The following CCDC3 variants were observed in gnomAD, a reference collection of about 807,000 sequenced individuals.
CCDC3 encodes coiled-coil domain containing 3, also known as coiled-coil domain-containing protein 3.
A neutral mutation model predicts 21.4 loss-of-function variants in CCDC3; 24 were observed. The ratio of observed to expected loss-of-function variants is 1.12; its 90% CI spans 0.81 to 1.58. CCDC3 has a LOEUF of 1.58. Ranked by LOEUF, CCDC3 falls within the 40% of genes most tolerant of loss-of-function variation. The pLI is 0.00. For missense variants in CCDC3, 425 were observed against 360.9 expected (o/e 1.18, Z -1.44); for synonymous variants, 186 against 166.0 (o/e 1.12, Z -0.93).
intron 2 of CCDC3, among the ~76,000 whole-genome samples, chr10:12,977,798 A>C (rs1334656986): frequency 6.6e-6 from 1 of 152,198 alleles, no homozygotes; most frequent in Admixed American, 6.5e-5. Context: ...TCATGAAAAG[A>C]ATTGCATTTA....
intron 2 of CCDC3, among the ~76,000 whole-genome samples, chr10:12,974,530 A>ACCTAAAC (rs1225018335): frequency 1.3e-5 from 2 of 152,208 alleles, no homozygotes; most frequent in African/African-American, 4.8e-5. Flanking sequence ...TGTTCTATCC[A>ACCTAAAC]CCTAAACTCA....
intron 5 of CCDC3, among the ~76,000 whole-genome samples, chr10:13,015,235 G>A (rs1836039229): frequency 6.6e-6 from 1 of 152,038 alleles, no homozygotes; most frequent in African/African-American, 2.4e-5. Flanking sequence ...GATTTTAAAA[G>A]GACCTGTAAG....
chr10:12,938,235 T>TCTAACTGTATC (rs1176594471), intron 2 of CCDC3, among the ~76,000 whole-genome samples: 2 of 152,204 alleles, frequency 1.3e-5, no homozygotes, highest in African/African-American at 4.8e-5. Flanking sequence ...ACTCAAGCCA[T>TCTAACTGTATC]CTAACTGTAT....
At chr10:12,917,289 G>A (rs7911309) in intron 2 of CCDC3, among the ~76,000 whole-genome samples, 4 of 140,070 alleles carry the variant, frequency 2.9e-5, no homozygotes. Context: ...CGCCTCCCGG[G>A]TTCATGCCAT....
At chr10:12,934,740 A>G (rs540466436) in intron 2 of CCDC3, among the ~76,000 whole-genome samples, 3 of 152,248 alleles carry the variant, frequency 2.0e-5, no homozygotes, top group Non-Finnish European at 4.4e-5. Flanking sequence ...AGTCTGCTCT[A>G]AAATTAATAT....
intron 2 of CCDC3, among the ~76,000 whole-genome samples, chr10:12,941,969 G>A (rs1433015831): frequency 2.0e-5 from 3 of 152,126 alleles, no homozygotes; most frequent in East Asian, 1.9e-4. Context: ...TGTTGAAGGC[G>A]GTTTTCCTGA....
At chr10:13,036,145 AAAACAAAC>A (rs986080567) in intron 5 of CCDC3, among the ~76,000 whole-genome samples, 3 of 151,928 alleles carry the variant, frequency 2.0e-5, no homozygotes, top group African/African-American at 7.2e-5. Flanking sequence ...TCTGTCTCAA[AAAACAAAC>A]AAACAAACAA....
chr10:13,027,971 T>A (rs936322344), intron 5 of CCDC3, among the ~76,000 whole-genome samples: 5 of 152,178 alleles, frequency 3.3e-5, no homozygotes, highest in Admixed American at 2.0e-4. Flanking sequence ...TCCTCTTAGG[T>A]GACATAATTC....
chr10:12,958,529 C>A (rs1268630435), intron 2 of CCDC3, among the ~76,000 whole-genome samples: 1 of 152,198 alleles, frequency 6.6e-6, no homozygotes. Flanking sequence ...GGGTCAAGAG[C>A]AGCCCAGACG....
At chr10:13,026,510 T>G (rs937635290) in intron 5 of CCDC3, among the ~76,000 whole-genome samples, 1 of 152,230 alleles carries the variant, frequency 6.6e-6, no homozygotes. Context: ...GTTTGAAGAA[T>G]ATGAGTGCTT....
intron 1 of CCDC3, among the ~76,000 whole-genome samples, chr10:13,000,384 AT>A (rs1835828207): frequency 6.6e-6 from 1 of 152,170 alleles, no homozygotes; most frequent in Non-Finnish European, 1.5e-5. Flanking sequence ...AGGCAGATGC[AT>A]TCCATCTTGA....
At chr10:12,985,691 C>T (rs1316339604) in intron 2 of CCDC3, among the ~76,000 whole-genome samples, 2 of 152,070 alleles carry the variant, frequency 1.3e-5, no homozygotes, top group African/African-American at 4.8e-5. Flanking sequence ...ATTATATGTA[C>T]ATAACACCTG....
intron 5 of CCDC3, among the ~76,000 whole-genome samples, chr10:13,033,733 G>A (rs987212385): frequency 6.6e-5 from 10 of 152,126 alleles, no homozygotes; most frequent in African/African-American, 7.2e-5. Context: ...CAACACACAC[G>A]TGAAAAAATG....
chr10:13,054,453 G>T (rs1836656328), intron 4 of CCDC3, among the ~76,000 whole-genome samples: 3 of 152,064 alleles, frequency 2.0e-5, no homozygotes, highest in Admixed American at 1.3e-4. Context: ...CTCGCTGTTT[G>T]TTTGCATTTC....
At chr10:12,967,927 T>C (rs1007058109) in intron 2 of CCDC3, among the ~76,000 whole-genome samples, 1 of 152,070 alleles carries the variant, frequency 6.6e-6, no homozygotes, top group African/African-American at 2.4e-5. Flanking sequence ...TCCCAGCGCT[T>C]TGGGAGGCCG....
rs147644732 is a variant in CCDC3, at chr10:12,997,721, G to A, written c.549+617C>T. ...ATACACAGTCAGGAACAGTCGTAAC[G>A]GCTCACATGTATTGAGCACTTACTC... On this transcript the variant is annotated intron_variant, in intron 2 of 2. Coordinates refer to ENST00000378825, the MANE Select transcript of CCDC3 (RefSeq NM_031455.4). 9.1e-4 allele frequency among the ~76,000 whole-genome samples: 139 copies of A among 152,192 alleles called. 1 individual carries two copies. Among genetic ancestry groups the A allele is most frequent in the African/African-American group, 3.1e-3 (128 of 41,510 alleles).
rs1321158664 is a variant in CCDC3, at chr10:13,061,968, C to T, written c.-270+11900G>A. On this transcript the variant is annotated intron_variant, in intron 4 of 6. Transcript: ENST00000378839. ...AGATTCTTTAGAGATGTAAATTTCC[C>T]CCCCACCACCCAGAAAGGACAGTTT... 2.7e-5 allele frequency among the ~76,000 whole-genome samples: 4 copies of T among 148,870 alleles called. No individual in the cohort carries two copies. The East Asian group carries it at 6.0e-4, about 22-fold the overall frequency.
intron 3 of CCDC3, among the ~76,000 whole-genome samples, chr10:13,074,731 C>T (rs12416459): frequency 6.6e-6 from 1 of 152,030 alleles, no homozygotes; most frequent in Non-Finnish European, 1.5e-5. Flanking sequence ...CACATGAGTT[C>T]CCCGTGCCGG....
intron 3 of CCDC3, among the ~76,000 whole-genome samples, chr10:13,075,275 G>A (rs979440011): frequency 2.0e-5 from 3 of 152,090 alleles, no homozygotes; most frequent in South Asian, 2.1e-4. Context: ...TTTGTTTTGC[G>A]TATCACTGTA....
Sources: allele counts gnomAD v4.1 joint callset (sites outside exome capture counted in the v4.1 genomes callset), GRCh38; gene constraint gnomAD v4.1.1; transcripts MANE v1.5; gene names NCBI Gene and HGNC (gene_info 2026-07-23, HGNC 2026-07-21).